PCDHGB5: variants seen among roughly 807,000 people sequenced by gnomAD.
The protein encoded by PCDHGB5 is protocadherin gamma-B5.
In PCDHGB5, 48 loss-of-function variants were observed where a neutral mutation model predicts 62.9. The observed-to-expected ratio is 0.76, with a 90% CI of 0.61 to 0.97. The LOEUF (loss-of-function observed/expected upper bound fraction) is 0.97. Among genes scored for constraint, PCDHGB5 ranks in the 50% least tolerant of loss-of-function variants. The probability of loss-of-function intolerance (pLI) is 0.00; values close to 1 mark genes in which losing one functional copy is unlikely to be tolerated. For missense variants in PCDHGB5, 1,118 were observed against 1,198.6 expected, an observed-to-expected ratio of 0.93 and a Z score of 0.99; for synonymous variants, 474 against 511.2, an observed-to-expected ratio of 0.93 and a Z score of 0.98.
intron 1 of PCDHGB5, among the ~76,000 whole-genome samples, chr5:141,483,907 C>T (rs545585133): frequency 6.0e-5 from 9 of 151,124 alleles, no homozygotes; most frequent in Non-Finnish European, 1.0e-4. Flanking sequence ...TGGTGTGTTT[C>T]CCACTCAGAT....
In PCDHGB5 at chr5:141,477,428, T is replaced by C; in HGVS notation, c.2398-17379T>C. On this transcript the variant is annotated intron_variant, in intron 1 of 3. Transcript: ENST00000617380. The surrounding 1 kb of genome is among the most constrained non-coding windows in gnomAD (Gnocchi z 4.9). ...CCGAGACGCCGGAACCCCTTCCCTC[T>C]CAGCCCTTACAATAGTGCGTGTTCA... The C allele has an allele frequency of 6.2e-7, 1 of 1,614,142 alleles. No individual in the cohort carries two copies. Among genetic ancestry groups the C allele is most frequent in the Non-Finnish European group, 8.5e-7 (1 of 1,180,036 alleles).
Position 141,487,548 on chromosome 5 carries a change from G to T in PCDHGB5, c.2398-7259G>T. The T allele has an allele frequency of 6.2e-7, 1 of 1,614,190 alleles. No homozygotes were observed. Among genetic ancestry groups the T allele is most frequent in the Non-Finnish European group, 8.5e-7 (1 of 1,180,038 alleles). ...AGCTTCATGATGGTGAAGTCACCCA[G>T]TGCACCTATGGCAGGGGAGCCTGTT... is the stretch of plus-strand genomic sequence containing the variant. On this transcript the variant is annotated intron_variant, in intron 1 of 3. Coordinates refer to ENST00000617380, the MANE Select transcript of PCDHGB5 (RefSeq NM_018925.3). The surrounding 1 kb of genome is among the most constrained non-coding windows in gnomAD (Gnocchi z 5.0).
In PCDHGB5 at chr5:141,486,531, C is replaced by T; in HGVS notation, c.2398-8276C>T. The T allele has an allele frequency of 6.2e-7, 1 of 1,614,062 alleles. No homozygotes were observed. Among genetic ancestry groups the T allele is most frequent in the Non-Finnish European group, 8.5e-7 (1 of 1,180,020 alleles). Reference sequence around the variant, plus strand: ...ATTTCAGATGTGAATGATAATCCACCCTCTTTCTTTCAGAGGTCACATGAG... The same window carrying T: ...ATTTCAGATGTGAATGATAATCCACTCTCTTTCTTTCAGAGGTCACATGAG... On this transcript the variant is annotated intron_variant, in intron 1 of 3. Transcript: ENST00000617380. This position sits in a 1 kb window ranked among gnomAD's most constrained non-coding sequence, Gnocchi z 5.0.
At chr5:141,505,816 C>A (rs1236221927) in intron 3 of PCDHGB5, among the ~76,000 whole-genome samples, 2 of 152,178 alleles carry the variant, frequency 1.3e-5, no homozygotes, top group African/African-American at 4.8e-5. Flanking sequence ...CTTGCTCAAT[C>A]TCTCTAAACC....
In PCDHGB5 at chr5:141,414,479, C is replaced by G. The variant is rs752879517; in HGVS notation, c.2397+13955C>G. The G allele has an allele frequency of 3.1e-6, 5 of 1,613,906 alleles. No homozygotes were observed. The highest frequency in any genetic ancestry group is 1.3e-5 in the African/African-American group (1 of 75,040). Reference sequence around the variant, plus strand: ...ACAGCCACAGATGGGGGAAGTCCTCCTCTATCAACGGAAGCTCACTTTATG... The same window carrying G: ...ACAGCCACAGATGGGGGAAGTCCTCGTCTATCAACGGAAGCTCACTTTATG... On this transcript the variant is annotated intron_variant, in intron 1 of 3. Coordinates refer to ENST00000617380, the MANE Select transcript of PCDHGB5 (RefSeq NM_018925.3).
At position 141,486,548 on chromosome 5, in the gene PCDHGB5, T is replaced by C; in HGVS notation, c.2398-8259T>C. 1 of 1,614,100 alleles carries C rather than the reference T, an allele frequency of 6.2e-7. No individual in the cohort carries two copies. ...TAATCCACCCTCTTTCTTTCAGAGG[T>C]CACATGAGGTGTTTGTTCCTGAGAA... is the stretch of plus-strand genomic sequence containing the variant. On this transcript the variant is annotated intron_variant, in intron 1 of 3. Coordinates refer to ENST00000617380, the MANE Select transcript of PCDHGB5 (RefSeq NM_018925.3). The surrounding 1 kb of genome is among the most constrained non-coding windows in gnomAD (Gnocchi z 5.0).
chr5:141,470,113 A>C (rs1209326739), intron 1 of PCDHGB5, among the ~76,000 whole-genome samples: 1 of 152,126 alleles, frequency 6.6e-6, no homozygotes, highest in Non-Finnish European at 1.5e-5. Context: ...TGAGCAACAG[A>C]GCAAGACTTC....
intron 1 of PCDHGB5, chr5:141,413,647 C>T (rs1371772412): frequency 1.2e-6 from 2 of 1,613,880 alleles, no homozygotes; most frequent in Non-Finnish European, 1.7e-6. Context: ...GCGTTTTCCT[C>T]TCCCGGAAGC....
In PCDHGB5 at chr5:141,450,775, C is replaced by T. The variant is rs561501224; in HGVS notation, c.2398-44032C>T. ...GTGCCGGGATTACAGGCATGAGCCA[C>T]CGTGCCCGGACCTCATGATTGTATT... On this transcript the variant is annotated intron_variant, in intron 1 of 3. Coordinates refer to ENST00000617380, the MANE Select transcript of PCDHGB5 (RefSeq NM_018925.3). Among the ~76,000 whole-genome samples the T allele has an allele frequency of 2.3e-3, 352 of 151,748 alleles. 1 individual carries two copies. The highest frequency in any genetic ancestry group is 4.5e-3 in the Non-Finnish European group (306 of 67,958).
intron 1 of PCDHGB5, chr5:141,427,831 G>A (rs2097077070): frequency 6.5e-7 from 1 of 1,539,366 alleles, no homozygotes; most frequent in East Asian, 2.2e-5. Context: ...GTCGCGCAGC[G>A]TGCCTTCGAC....
chr5:141,489,459 C>T lies in PCDHGB5; in HGVS notation c.2398-5348C>T. The T allele has an allele frequency of 6.2e-7, 1 of 1,614,086 alleles. No homozygotes were observed. The highest frequency in any genetic ancestry group is 8.5e-7 in the Non-Finnish European group (1 of 1,180,012). On this transcript the variant is annotated intron_variant, in intron 1 of 3. Coordinates refer to ENST00000617380, the MANE Select transcript of PCDHGB5 (RefSeq NM_018925.3). The surrounding 1 kb of genome is among the most constrained non-coding windows in gnomAD (Gnocchi z 4.5). The stretch of plus-strand genomic sequence containing the variant: ...AATTGGGCTCTGAGGAGAATGGGCG[C>T]TATTTTTCCCTGAGCTTGATGAGTG...
chr5:141,416,178 C>G (rs1392436592), intron 1 of PCDHGB5: 3 of 152,408 alleles, frequency 2.0e-5, no homozygotes, highest in African/African-American at 2.4e-5. Context: ...CTAAGTTTTT[C>G]ATTAATATTG....
In PCDHGB5 at chr5:141,405,081, C is replaced by T. The variant is rs749102403; in HGVS notation, c.2397+4557C>T. 1.0e-4 allele frequency: 163 copies of T among 1,613,766 alleles called. No homozygotes were observed. The highest frequency in any genetic ancestry group is 1.2e-4 in the Non-Finnish European group (138 of 1,179,768). ...TGTGTCTTCCTCACCTTCGTTATCA[C>T]GCTGCTGGCCCTCAGGCTGAGGCAC... On this transcript the variant is annotated intron_variant, in intron 1 of 3. Transcript: ENST00000617380.
chr5:141,490,869 A>G lies in PCDHGB5; in HGVS notation c.2398-3938A>G, dbSNP rs764138126. ...GGGTTCGAGACTCCGGCTCTCCCCCATTGCATGCCAACACATCTCTGCATG... is the reference window on the plus strand; with the variant it reads ...GGGTTCGAGACTCCGGCTCTCCCCCGTTGCATGCCAACACATCTCTGCATG... On this transcript the variant is annotated intron_variant, in intron 1 of 3. Transcript: ENST00000617380. This position sits in a 1 kb window ranked among gnomAD's most constrained non-coding sequence, Gnocchi z 5.4. 4.3e-6 allele frequency: 7 copies of G among 1,613,784 alleles called. No homozygotes were observed. The highest frequency in any genetic ancestry group is 1.7e-5 in the Admixed American group (1 of 60,004).
intron 1 of PCDHGB5, chr5:141,478,072 G>A (rs752905249): frequency 6.2e-7 from 1 of 1,614,048 alleles, no homozygotes; most frequent in Admixed American, 1.7e-5. Flanking sequence ...AAGACAATGG[G>A]GAGCCTTCGC....
At position 141,487,501 on chromosome 5, in the gene PCDHGB5, T is replaced by C. The variant is rs746285663; in HGVS notation, c.2398-7306T>C. 1.2e-6 allele frequency: 2 copies of C among 1,614,232 alleles called. No individual in the cohort carries two copies. The highest frequency in any genetic ancestry group is 3.3e-5 in the Admixed American group (2 of 60,028). ...ACTCTCATGGCTGTACACCCTTGGC[T>C]TCTGCACCCACTCGGAGTGATAGCT... On this transcript the variant is annotated intron_variant, in intron 1 of 3. Coordinates refer to ENST00000617380, the MANE Select transcript of PCDHGB5 (RefSeq NM_018925.3). The surrounding 1 kb of genome is among the most constrained non-coding windows in gnomAD (Gnocchi z 5.0).
rs1591337394 is a variant in PCDHGB5, at chr5:141,434,573, C to A, written c.2397+34049C>A. 2.0e-5 allele frequency among the ~76,000 whole-genome samples: 3 copies of A among 152,336 alleles called. No individual in the cohort carries two copies. The South Asian group carries it at 6.2e-4, about 32-fold the overall frequency. On this transcript the variant is annotated intron_variant, in intron 1 of 3. Transcript: ENST00000617380. The stretch of plus-strand genomic sequence containing the variant: ...TCTGTGCCTTAAGGACATGCCCCTG[C>A]TGCAGATAACTACCTCAATCCATCC...
chr5:141,403,343 C>T (rs774711306), intron 1 of PCDHGB5: 10 of 1,614,000 alleles, frequency 6.2e-6, no homozygotes, highest in Admixed American at 1.7e-5. Context: ...CGACAGCGCC[C>T]CAAAGTTCCA....
At chr5:141,492,962 C>A (rs1197532146) in intron 1 of PCDHGB5, among the ~76,000 whole-genome samples, 2 of 152,258 alleles carry the variant, frequency 1.3e-5, no homozygotes, top group African/African-American at 2.4e-5. Flanking sequence ...CTATCTGACA[C>A]TCTAACAAGT....
Sources: gnomAD v4.1 joint callset for allele counts (sites outside exome capture counted in the v4.1 genomes callset) on GRCh38, gnomAD v4.1.1 for gene constraint, Gnocchi (gnomAD v3.1) non-coding constraint, MANE v1.5 for transcripts, NCBI Gene and HGNC (gene_info 2026-07-23, HGNC 2026-07-21) for gene names.